Variants in CDKAL1 observed in about 807,000 individuals in gnomAD.
CDKAL1 encodes the protein CDKAL1 threonylcarbamoyladenosine tRNA methylthiotransferase.
Under a neutral mutation model 68.2 loss-of-function variants are expected in CDKAL1, and 32 were observed. The ratio of observed to expected loss-of-function variants is 0.47; its 90% CI spans 0.35 to 0.63. The LOEUF (loss-of-function observed/expected upper bound fraction) is 0.63, where lower values mean the gene tolerates loss of function less well. Among genes scored for constraint, CDKAL1 ranks in the 30% least tolerant of loss-of-function variants. The pLI is 0.00. For synonymous variants in CDKAL1, 234 were observed against 244.3 expected, an observed-to-expected ratio of 0.96 and a Z score of 0.39; for missense variants, 606 against 696.7, an observed-to-expected ratio of 0.87 and a Z score of 1.47.
At chr6:20,746,547 C>T (rs1479119857) in intron 6 of CDKAL1, among the ~76,000 whole-genome samples, 1 of 152,072 alleles carries the variant, frequency 6.6e-6, no homozygotes, top group African/African-American at 2.4e-5. Context: ...GAAATTGAGC[C>T]CTCCTCCATT....
chr6:21,198,018 C>T lies in CDKAL1; in HGVS notation c.1300-3C>T. The T allele has an allele frequency of 6.3e-7, 1 of 1,586,218 alleles. No homozygotes were observed. The highest frequency in any genetic ancestry group is 8.6e-7 in the Non-Finnish European group (1 of 1,160,316). Reference sequence around the variant, plus strand: ...CTTTCTTTCCCTCCCCTTCTCTCCACAGATTGGTGAAAGACAACAAGTGTT... The same window carrying T: ...CTTTCTTTCCCTCCCCTTCTCTCCATAGATTGGTGAAAGACAACAAGTGTT... On this transcript the variant is annotated splice_region_variant and splice_polypyrimidine_tract_variant and intron_variant, in intron 13 of 15. Transcript: ENST00000274695.
chr6:21,092,629 CCTAA>C (rs1379890202), intron 12 of CDKAL1, among the ~76,000 whole-genome samples: 10 of 151,008 alleles, frequency 6.6e-5, no homozygotes, highest in East Asian at 2.0e-4. Context: ...TGAGGAAAGC[CCTAA>C]CTAACACAAA....
At chr6:20,608,435 C>G (rs541786587) in intron 4 of CDKAL1, among the ~76,000 whole-genome samples, 49 of 152,200 alleles carry the variant, frequency 3.2e-4, no homozygotes, top group African/African-American at 1.2e-3. Context: ...AGTATGTTCT[C>G]CTCTATGCAA....
At chr6:21,097,697 G>A (rs548087995) in intron 12 of CDKAL1, among the ~76,000 whole-genome samples, 55 of 152,170 alleles carry the variant, frequency 3.6e-4, no homozygotes, top group Admixed American at 3.6e-3. Flanking sequence ...CGTTCTCTAT[G>A]GAACTTGTCA....
At chr6:21,158,311 G>C (rs558121247) in intron 13 of CDKAL1, among the ~76,000 whole-genome samples, 1 of 152,154 alleles carries the variant, frequency 6.6e-6, no homozygotes, top group Non-Finnish European at 1.5e-5. Context: ...GAAGCTTAAG[G>C]TCCCAATGCA....
intron 9 of CDKAL1, among the ~76,000 whole-genome samples, chr6:20,860,797 C>G (rs1192147986): frequency 6.6e-6 from 1 of 151,750 alleles, no homozygotes; most frequent in Non-Finnish European, 1.5e-5. Context: ...GCACTCCAGC[C>G]TGGCAACAGA....
chr6:20,735,704 G>A lies in CDKAL1; in HGVS notation c.372-3815G>A, dbSNP rs564168070. ...TAAGCTTTCGCCTATTTCATGTCAC[G>A]AGAACATTGTCCCTGAGTTGTTATA... On this transcript the variant is annotated intron_variant, in intron 5 of 15. Coordinates refer to ENST00000274695, the MANE Select transcript of CDKAL1 (RefSeq NM_017774.3). Among the ~76,000 whole-genome samples, 8 of 152,154 alleles carry A rather than the reference G, an allele frequency of 5.3e-5. No individual in the cohort carries two copies. In the East Asian group the frequency reaches 1.5e-3, roughly 29 times the overall value.
chr6:21,081,765 A>T (rs1772419499), intron 12 of CDKAL1, among the ~76,000 whole-genome samples: 1 of 151,328 alleles, frequency 6.6e-6, no homozygotes, highest in South Asian at 2.1e-4. Context: ...TTTAGTAAAG[A>T]TGGGGTTTTC....
chr6:21,082,730 A>G (rs548573245), intron 12 of CDKAL1, among the ~76,000 whole-genome samples: 89 of 152,294 alleles, frequency 5.8e-4, no homozygotes, highest in Non-Finnish European at 1.1e-3. Flanking sequence ...GTACAAGTTG[A>G]GTATCCTTTA....
At chr6:20,604,391 C>T (rs1253720024) in intron 4 of CDKAL1, among the ~76,000 whole-genome samples, 2 of 152,160 alleles carry the variant, frequency 1.3e-5, no homozygotes, top group Non-Finnish European at 2.9e-5. Flanking sequence ...CAGCCATCTG[C>T]TAGTGGTTGA....
At chr6:21,048,646 A>G (rs1403811838) in intron 11 of CDKAL1, among the ~76,000 whole-genome samples, 1 of 152,174 alleles carries the variant, frequency 6.6e-6, no homozygotes, top group Admixed American at 6.5e-5. Flanking sequence ...CTTCCATTAA[A>G]AGTAATAATT....
chr6:20,973,088 A>G (rs1765672649), intron 10 of CDKAL1, among the ~76,000 whole-genome samples: 1 of 152,132 alleles, frequency 6.6e-6, no homozygotes, highest in African/African-American at 2.4e-5. Flanking sequence ...CAAAAAAAAA[A>G]AAAAGACTTT....
chr6:20,673,414 T>C (rs1769943527), intron 5 of CDKAL1, among the ~76,000 whole-genome samples: 1 of 152,246 alleles, frequency 6.6e-6, no homozygotes, highest in Non-Finnish European at 1.5e-5. Context: ...GTATAAATGC[T>C]AGATAATACT....
intron 11 of CDKAL1, among the ~76,000 whole-genome samples, chr6:21,015,289 GT>G (rs1165132869): frequency 1.3e-5 from 2 of 152,084 alleles, no homozygotes. Flanking sequence ...TGAAATCAGT[GT>G]TTTTTTGTTA....
At chr6:20,987,940 C>A (rs1766563956) in intron 10 of CDKAL1, among the ~76,000 whole-genome samples, 1 of 135,304 alleles carries the variant, frequency 7.4e-6, no homozygotes, top group Non-Finnish European at 1.6e-5. Context: ...CTACCATCCC[C>A]AGCTTTTTTT....
At chr6:21,085,052 C>T (rs1433281682) in intron 12 of CDKAL1, among the ~76,000 whole-genome samples, 1 of 152,164 alleles carries the variant, frequency 6.6e-6, no homozygotes, top group African/African-American at 2.4e-5. Context: ...ATTAACAAAC[C>T]TAAAGACTAC....
intron 12 of CDKAL1, among the ~76,000 whole-genome samples, chr6:21,083,011 C>A (rs530743226): frequency 6.6e-6 from 1 of 151,600 alleles, no homozygotes; most frequent in Admixed American, 6.6e-5. Flanking sequence ...GTAGCTGGGA[C>A]TACAGGCATG....
At chr6:20,853,391 CAAAAAAAAAACA>C (rs1759136815) in intron 9 of CDKAL1, among the ~76,000 whole-genome samples, 2 of 55,446 alleles carry the variant, frequency 3.6e-5, no homozygotes, top group South Asian at 5.5e-4. Context: ...AAAAACAAAA[CAAAAAAAAAACA>C]AAAAAAAAAA....
chr6:20,839,595 T>C (rs552674850), intron 8 of CDKAL1, among the ~76,000 whole-genome samples: 1 of 152,238 alleles, frequency 6.6e-6, no homozygotes, highest in African/African-American at 2.4e-5. Context: ...TGGAATGGTG[T>C]ACAGATTGTA....
Sources: allele counts gnomAD v4.1 joint callset (sites outside exome capture counted in the v4.1 genomes callset), GRCh38; gene constraint gnomAD v4.1.1; transcripts MANE v1.5; gene names NCBI Gene and HGNC (gene_info 2026-07-23, HGNC 2026-07-21).